Variants in TSPAN9 observed in about 807,000 individuals in gnomAD.
TSPAN9 encodes the protein tetraspanin-9.
In TSPAN9, 16 loss-of-function variants were observed where a neutral mutation model predicts 31.0. The ratio of observed to expected loss-of-function variants is 0.52; its 90% CI spans 0.35 to 0.78. The LOEUF (loss-of-function observed/expected upper bound fraction) is 0.78. Among genes scored for constraint, TSPAN9 ranks in the 30% least tolerant of loss-of-function variants. The probability of loss-of-function intolerance (pLI) is 0.01; values close to 1 mark genes in which losing one functional copy is unlikely to be tolerated. For missense variants in TSPAN9, 272 were observed against 312.5 expected (o/e 0.87, Z 0.98); for synonymous variants, 145 against 121.6 (o/e 1.19, Z -1.27).
chr12:3,122,337 T>C (rs919359943), intron 2 of TSPAN9, among the ~76,000 whole-genome samples: 3 of 151,126 alleles, frequency 2.0e-5, no homozygotes, highest in Non-Finnish European at 3.0e-5. Flanking sequence ...AAAAAGGAGA[T>C]AGAGTCTTGC....
At chr12:3,263,726 C>T (rs1043323773) in intron 3 of TSPAN9, among the ~76,000 whole-genome samples, 1 of 150,612 alleles carries the variant, frequency 6.6e-6, no homozygotes, top group African/African-American at 2.4e-5. Flanking sequence ...CCGGCAAAGT[C>T]AGTACTAACA....
chr12:3,127,627 T>C (rs2098327944), intron 2 of TSPAN9, among the ~76,000 whole-genome samples: 2 of 152,084 alleles, frequency 1.3e-5, no homozygotes, highest in Non-Finnish European at 2.9e-5. Context: ...AGTGCTGGGA[T>C]TACAGGTGTG....
At chr12:3,122,191 G>A (rs1377005693) in intron 2 of TSPAN9, among the ~76,000 whole-genome samples, 2 of 152,010 alleles carry the variant, frequency 1.3e-5, no homozygotes, top group African/African-American at 2.4e-5. Context: ...AAAATTAGCC[G>A]GGTGTGGTGG....
At chr12:3,129,104 C>A (rs780228933) in intron 2 of TSPAN9, among the ~76,000 whole-genome samples, 1 of 152,200 alleles carries the variant, frequency 6.6e-6, no homozygotes, top group Non-Finnish European at 1.5e-5. Flanking sequence ...GATTTCCTCC[C>A]TTTTTATGGC....
chr12:3,110,159 G>A (rs2098317732), intron 2 of TSPAN9, among the ~76,000 whole-genome samples: 1 of 152,090 alleles, frequency 6.6e-6, no homozygotes, highest in Non-Finnish European at 1.5e-5. Context: ...AAAGCAGGAG[G>A]TCCTTAGTCT....
chr12:3,210,723 C>T (rs60302847), intron 3 of TSPAN9, among the ~76,000 whole-genome samples: 80,347 of 149,880 alleles, frequency 0.54, 22,291 homozygotes, highest in Middle Eastern at 0.69. Context: ...GAAATACATG[C>T]TATCTCATGG....
intron 2 of TSPAN9, among the ~76,000 whole-genome samples, chr12:3,177,899 T>C (rs1365140517): frequency 3.3e-5 from 5 of 152,178 alleles, no homozygotes; most frequent in African/African-American, 9.6e-5. Context: ...TGACGGCCAG[T>C]GTCCTCGTCC....
chr12:3,216,360 C>T (rs2098381390), intron 3 of TSPAN9, among the ~76,000 whole-genome samples: 1 of 151,912 alleles, frequency 6.6e-6, no homozygotes, highest in Non-Finnish European at 1.5e-5. Flanking sequence ...GGCCCTGGGT[C>T]CACATCTCTT....
chr12:3,162,651 G>C (rs2098346030), intron 2 of TSPAN9, among the ~76,000 whole-genome samples: 1 of 151,500 alleles, frequency 6.6e-6, no homozygotes, highest in Non-Finnish European at 1.5e-5. Flanking sequence ...TCAGCTTTTT[G>C]GCTCCTTTAA....
chr12:3,252,893 G>A (rs1216705173), intron 3 of TSPAN9, among the ~76,000 whole-genome samples: 11 of 152,192 alleles, frequency 7.2e-5, no homozygotes, highest in Admixed American at 7.2e-4. Context: ...CAGAAGGTGG[G>A]AAATGGGGCT....
At chr12:3,266,503 T>A (rs1862539792) in intron 3 of TSPAN9, among the ~76,000 whole-genome samples, 1 of 152,182 alleles carries the variant, frequency 6.6e-6, no homozygotes, top group Non-Finnish European at 1.5e-5. Context: ...AAGAGCTCCG[T>A]GACCTGGGAC....
At chr12:3,274,947 G>A (rs960823756) in intron 3 of TSPAN9, among the ~76,000 whole-genome samples, 4 of 152,368 alleles carry the variant, frequency 2.6e-5, no homozygotes, top group Non-Finnish European at 2.9e-5. Context: ...CTGCGCCCCC[G>A]TAGGGTAGGC....
intron 1 of TSPAN9, among the ~76,000 whole-genome samples, chr12:3,081,838 G>GTATATATATA (rs1456999682): frequency 5.5e-3 from 171 of 31,016 alleles, no homozygotes; most frequent in Middle Eastern, 0.05. Flanking sequence ...GTGTGTGTCT[G>GTATATATATA]TGTGTGTATA....
chr12:3,131,840 G>C (rs571255254), intron 2 of TSPAN9, among the ~76,000 whole-genome samples: 6 of 151,944 alleles, frequency 3.9e-5, no homozygotes, highest in African/African-American at 1.5e-4. Context: ...CATTTACTAC[G>C]TTCACCGTGT....
At chr12:3,269,190 CCAGCCTGCCCTCTCTGT>C (rs1565639982) in intron 3 of TSPAN9, among the ~76,000 whole-genome samples, 32 of 88,146 alleles carry the variant, frequency 3.6e-4, no homozygotes, top group East Asian at 7.4e-4. Flanking sequence ...CTGTGTTTTT[CCAGCCTGCCCTCTCTGT>C]GTTCCTGCAG....
chr12:3,221,352 A>ATTTTTTTTTTTTTTTTTTTT lies in TSPAN9; in HGVS notation c.63+20101_63+20102insTTTTTTTTTTTTTTTTTTTT, dbSNP rs200531623. 2.3e-5 allele frequency among the ~76,000 whole-genome samples: 3 copies of ATTTTTTTTTTTTTTTTTTTT among 131,646 alleles called. 1 individual carries two copies. 86.4% of individuals were successfully genotyped at this position (131,646 alleles called of 152,430 possible). A position where few individuals can be genotyped will look rare whatever the true frequency, so the allele number is the denominator to read the frequency against. On this transcript the variant is annotated intron_variant, in intron 3 of 8. Transcript: ENST00000011898. ...AGATAAGTTATTTTTTATTTAAAAT[A>ATTTTTTTTTTTTTTTTTTTT]TTTTTCTCTTTTTTTTTTTTTTTTA...
intron 3 of TSPAN9, among the ~76,000 whole-genome samples, chr12:3,239,784 G>A (rs2098395627): frequency 6.6e-6 from 1 of 152,152 alleles, no homozygotes; most frequent in Non-Finnish European, 1.5e-5. Context: ...ACAGGGTCCT[G>A]ATGGGGAAGG....
chr12:3,144,094 TA>T (rs1258342349), intron 2 of TSPAN9, among the ~76,000 whole-genome samples: 10 of 152,132 alleles, frequency 6.6e-5, no homozygotes, highest in African/African-American at 2.4e-4. Context: ...TTTATTTATT[TA>T]TTTATTTTTT....
At chr12:3,229,121 A>T (rs895217229) in intron 3 of TSPAN9, among the ~76,000 whole-genome samples, 11 of 152,188 alleles carry the variant, frequency 7.2e-5, no homozygotes, top group African/African-American at 2.7e-4. Flanking sequence ...GGTTCCAGGG[A>T]TTAGGACATG....
Sources: gnomAD v4.1 joint callset for allele counts (sites outside exome capture counted in the v4.1 genomes callset) on GRCh38, gnomAD v4.1.1 for gene constraint, MANE v1.5 for transcripts, NCBI Gene and HGNC (gene_info 2026-07-23, HGNC 2026-07-21) for gene names.